TMEM39B: variants seen among roughly 807,000 people sequenced by gnomAD.
The protein encoded by TMEM39B is transmembrane protein 39B.
A neutral mutation model predicts 52.2 loss-of-function variants in TMEM39B; 23 were observed. The ratio of observed to expected loss-of-function variants is 0.44; its 90% CI spans 0.32 to 0.62. The LOEUF is 0.62. TMEM39B is among the 20% of genes least tolerant of loss of function. The pLI is 0.06. For synonymous variants in TMEM39B, 285 were observed against 264.0 expected (o/e 1.08, Z -0.77); for missense variants, 547 against 642.0 (o/e 0.85, Z 1.60).
intron 1 of TMEM39B, chr1:32,073,747 G>T: frequency 9.1e-6 from 9 of 985,344 alleles, no homozygotes; most frequent in Non-Finnish European, 1.1e-5. Flanking sequence ...GAGACTTGTG[G>T]AGGTTTATAA....
At chr1:32,075,927 C>T (rs1437120901) in intron 3 of TMEM39B, 105 bp downstream of exon 3, 1 of 737,816 alleles carries the variant, frequency 1.4e-6, no homozygotes, top group Non-Finnish European at 2.2e-6. Flanking sequence ...TACTAAGCAC[C>T]ACTGTGCACT....
chr1:32,074,303 C>T (rs949436876), intron 1 of TMEM39B, among the ~76,000 whole-genome samples: 1 of 152,020 alleles, frequency 6.6e-6, no homozygotes, highest in Non-Finnish European at 1.5e-5. Context: ...AGTTATAGGC[C>T]TCCAGAAACT....
At chr1:32,076,528 A>C (rs1377441426) in intron 3 of TMEM39B, 1 of 668,926 alleles carries the variant, frequency 1.5e-6, no homozygotes, top group African/African-American at 1.8e-5. Context: ...GTGTGAGCAG[A>C]GCAAGAGGGC....
chr1:32,094,539 C>T (rs1371350626), intron 6 of TMEM39B, among the ~76,000 whole-genome samples: 1 of 152,206 alleles, frequency 6.6e-6, no homozygotes, highest in East Asian at 1.9e-4. Flanking sequence ...ATTCAGGTCT[C>T]TTGGACCCCA....
chr1:32,100,438 CCAG>C lies in TMEM39B; in HGVS notation c.1116-3_1116-1del, dbSNP rs1404996356. The C allele has an allele frequency of 6.3e-7, 1 of 1,584,170 alleles. No individual in the cohort carries two copies. The highest frequency in any genetic ancestry group is 8.6e-7 in the Non-Finnish European group (1 of 1,165,460). On this transcript the variant is annotated splice_acceptor_variant and splice_polypyrimidine_tract_variant and intron_variant, in intron 7 of 8. Coordinates refer to ENST00000336294, the MANE Select transcript of TMEM39B (RefSeq NM_018056.4). LOFTEE classifies it high-confidence loss of function. ...TAAGGGGCACCATTGAACTGTGCCC[CCAG>C]GTGGACTGAAGAATGCATGTGGCCG...
At chr1:32,085,631 A>T (rs1041840968) in intron 5 of TMEM39B, among the ~76,000 whole-genome samples, 2 of 151,868 alleles carry the variant, frequency 1.3e-5, no homozygotes, top group African/African-American at 4.8e-5. Flanking sequence ...CATGCCTGTA[A>T]TCTCAGCTAC....
Position 32,083,409 on chromosome 1 carries a change from C to CTTTTTTT in TMEM39B, c.590+6115_590+6121dup, listed in dbSNP as rs1052027069. ...GCAGGAACATTTTTTTAAAGGACTT[C>CTTTTTTT]TTTTTTTTTTTTTTTTTTTTTTTTT... is the stretch of plus-strand genomic sequence containing the variant. On this transcript the variant is annotated intron_variant, in intron 5 of 8. Transcript: ENST00000336294. Among the ~76,000 whole-genome samples the CTTTTTTT allele has an allele frequency of 5.9e-4, 32 of 54,620 alleles. 1 individual carries two copies. The highest frequency in any genetic ancestry group is 1.1e-3 in the African/African-American group (14 of 12,866). 35.8% of individuals were successfully genotyped at this position (54,620 alleles called of 152,430 possible).
At chr1:32,093,519 C>T (rs1640690917) in intron 6 of TMEM39B, among the ~76,000 whole-genome samples, 1 of 143,294 alleles carries the variant, frequency 7.0e-6, no homozygotes, top group African/African-American at 2.6e-5. Context: ...TCAAGCAATT[C>T]TCCTACCTTA....
chr1:32,079,717 C>T (rs909412524), intron 5 of TMEM39B, among the ~76,000 whole-genome samples: 1 of 151,916 alleles, frequency 6.6e-6, no homozygotes, highest in African/African-American at 2.4e-5. Flanking sequence ...TTTTTAATGG[C>T]CTCGCAGTAT....
chr1:32,095,241 T>C (rs970060724), intron 7 of TMEM39B, among the ~76,000 whole-genome samples: 7 of 152,190 alleles, frequency 4.6e-5, no homozygotes, highest in African/African-American at 1.7e-4. Flanking sequence ...GTTTATTCAC[T>C]CATTGCCTTA....
intron 7 of TMEM39B, among the ~76,000 whole-genome samples, chr1:32,095,320 C>T (rs988186284): frequency 6.6e-6 from 1 of 152,228 alleles, no homozygotes; most frequent in South Asian, 2.1e-4. Context: ...CCTACTCTTT[C>T]AGCAGACATT....
chr1:32,077,372 G>A, intron 5 of TMEM39B, 54 bp downstream of exon 5: 2 of 1,598,666 alleles, frequency 1.3e-6, no homozygotes, highest in Admixed American at 1.7e-5. Flanking sequence ...CCTGACCTCT[G>A]CCCTGACCGT....
At chr1:32,102,393 A>G in intron 8 of TMEM39B, 38 bp from the exon 9 acceptor site, 2 of 1,589,206 alleles carry the variant, frequency 1.3e-6, no homozygotes, top group Non-Finnish European at 1.7e-6. Flanking sequence ...AGATTTCTGG[A>G]GCACACCTTT....
Position 32,075,720 on chromosome 1 carries a change from G to C in TMEM39B, c.249G>C (p.Gln83His). Residue 83 changes from glutamine (Q) to histidine (H), a missense_variant, in exon 3 of 9, where the codon CAG becomes CAC. Coordinates refer to ENST00000336294, the MANE Select transcript of TMEM39B (RefSeq NM_018056.4). ...AGGCCAGCATTCTGTTTGAGTTGCAGCTCTTCTTCTGCCAGCTCATAGCAC... is the reference window on the plus strand; with the variant it reads ...AGGCCAGCATTCTGTTTGAGTTGCACCTCTTCTTCTGCCAGCTCATAGCAC... ...PVQASILFEL[Q>H]LFFCQLIALF... is the part of the protein sequence containing the mutation. 6.4e-7 allele frequency: 1 copy of C among 1,551,716 alleles called. No homozygotes were observed. Among genetic ancestry groups the C allele is most frequent in the Non-Finnish European group, 8.7e-7 (1 of 1,147,016 alleles).
At chr1:32,077,871 A>G (rs1639933103) in intron 5 of TMEM39B, among the ~76,000 whole-genome samples, 1 of 152,160 alleles carries the variant, frequency 6.6e-6, no homozygotes, top group Non-Finnish European at 1.5e-5. Context: ...CCGTCTCACC[A>G]GACCCTAGAT....
At chr1:32,079,277 C>T (rs1238062567) in intron 5 of TMEM39B, among the ~76,000 whole-genome samples, 1 of 151,674 alleles carries the variant, frequency 6.6e-6, no homozygotes, top group Admixed American at 6.6e-5. Flanking sequence ...CTCCACCTCC[C>T]GGGTTCACAC....
At chr1:32,085,389 A>G (rs1020414258) in intron 5 of TMEM39B, among the ~76,000 whole-genome samples, 3 of 151,784 alleles carry the variant, frequency 2.0e-5, no homozygotes, top group Non-Finnish European at 4.4e-5. Context: ...CAGCAATCAT[A>G]TTTTTCATCT....
chr1:32,102,168 GA>G (rs34577262), intron 8 of TMEM39B, among the ~76,000 whole-genome samples: 2,879 of 152,112 alleles, frequency 0.019, 43 homozygotes, highest in Non-Finnish European at 0.027. Flanking sequence ...AACCTGTCAA[GA>G]AAGACTTCCT....
chr1:32,094,785 A>G lies in TMEM39B; in HGVS notation c.929A>G (p.Asn310Ser). The change falls in exon 7 of 9, where the codon AAC becomes AGC. Residue 310 changes from asparagine to serine, a missense_variant and splice_region_variant. Coordinates refer to ENST00000336294, the MANE Select transcript of TMEM39B (RefSeq NM_018056.4). ...TCACCCACCTTCTGCTACCCCCAGA[A>G]CACACATTACTATGACAAGCGCTGG... is the stretch of plus-strand genomic sequence containing the variant. The part of the protein sequence containing the change: ...VAFVPVWFVK[N>S]THYYDKRWSC... 6.2e-7 allele frequency: 1 copy of G among 1,614,156 alleles called. No homozygotes were observed. Among genetic ancestry groups the G allele is most frequent in the Non-Finnish European group, 8.5e-7 (1 of 1,180,004 alleles).
Sources: gnomAD v4.1 joint callset for allele counts (sites outside exome capture counted in the v4.1 genomes callset) on GRCh38, gnomAD v4.1.1 for gene constraint, MANE v1.5 for transcripts, NCBI Gene and HGNC (gene_info 2026-07-23, HGNC 2026-07-21) for gene names.